Variants in DES observed in about 807,000 individuals in gnomAD.
The protein encoded by DES is desmin.
A neutral mutation model predicts 55.1 loss-of-function variants in DES; 34 were observed. The observed-to-expected ratio is 0.62, with a 90% CI of 0.47 to 0.82. The LOEUF (loss-of-function observed/expected upper bound fraction) is 0.82, where lower values mean the gene tolerates loss of function less well. Among genes scored for constraint, DES ranks in the 40% least tolerant of loss-of-function variants. The probability of loss-of-function intolerance (pLI) is 0.00; values close to 1 mark genes in which losing one functional copy is unlikely to be tolerated. For synonymous variants in DES, 259 were observed against 270.8 expected, an observed-to-expected ratio of 0.96 and a Z score of 0.43; for missense variants, 596 against 645.9, an observed-to-expected ratio of 0.92 and a Z score of 0.84.
rs201433470 is a variant in DES, at chr2:219,420,669, G to C, written c.897+13G>C. 2.5e-6 allele frequency: 4 copies of C among 1,614,000 alleles called. No homozygotes were observed. The highest frequency in any genetic ancestry group is 1.7e-5 in the Admixed American group (1 of 60,012). On this transcript the variant is annotated intron_variant, in intron 4 of 8. Transcript: ENST00000373960. This position sits in a 1 kb window ranked among gnomAD's most constrained non-coding sequence, Gnocchi z 6.0. ...GTACAAGTCGAAGGTGGGTGGCCTC[G>C]CCCGGGGACTGGCATCTCCGTCCCC...
At position 219,421,353 on chromosome 2, in the gene DES, T is replaced by A; in HGVS notation, c.1037T>A (p.Met346Lys). 1 of 1,614,066 alleles carries A rather than the reference T, an allele frequency of 6.2e-7. No homozygotes were observed. The highest frequency in any genetic ancestry group is 8.5e-7 in the Non-Finnish European group (1 of 1,179,980). The change falls in exon 6 of 9, where the codon ATG becomes AAG. Residue 346 changes from methionine to lysine, a missense_variant. By Grantham distance (95) the Met-to-Lys change is moderately conservative. Transcript: ENST00000373960. ...DALKGTNDSL[M>K]RQMRELEDRF... Reference sequence around the variant, plus strand: ...CCTCTCCTGCAGAACGATTCCCTGATGAGGCAGATGCGGGAATTGGAGGAC... The same window carrying A: ...CCTCTCCTGCAGAACGATTCCCTGAAGAGGCAGATGCGGGAATTGGAGGAC...
chr2:219,418,962 A>T lies in DES; in HGVS notation c.500A>T (p.Glu167Val), dbSNP rs1575013470. The T allele has an allele frequency of 6.4e-7, 1 of 1,555,416 alleles. No homozygotes were observed. The highest frequency in any genetic ancestry group is 1.4e-5 in the African/African-American group (1 of 73,454). The change falls in exon 1 of 9, where the codon GAG becomes GTG. Residue 167 changes from glutamate to valine, a missense_variant. Transcript: ENST00000373960. ...CTGCGGGAGCTGCGGCGCCAGGTGG[A>T]GGTGCTCACTAACCAGCGCGCGCGC... Reference protein sequence around the residue: ...EELRELRRQVEVLTNQRARVD... With the variant: ...EELRELRRQVVVLTNQRARVD...
At position 219,419,353 on chromosome 2, in the gene DES, T is replaced by C. The variant is rs1209878878; in HGVS notation, c.578+313T>C. Among the ~76,000 whole-genome samples the C allele has an allele frequency of 2.0e-5, 3 of 152,122 alleles. No homozygotes were observed. The highest frequency in any genetic ancestry group is 4.4e-5 in the Non-Finnish European group (3 of 68,014). On this transcript the variant is annotated intron_variant, in intron 1 of 8. Coordinates refer to ENST00000373960, the MANE Select transcript of DES (RefSeq NM_001927.4). The surrounding 1 kb of genome is among the most constrained non-coding windows in gnomAD (Gnocchi z 4.3). Reference sequence around the variant, plus strand: ...AGCATTTTAAGATGCTGGGGCGATATTTATGGGGTCAGGTAGTTGATGGGC... The same window carrying C: ...AGCATTTTAAGATGCTGGGGCGATACTTATGGGGTCAGGTAGTTGATGGGC...
Position 219,418,517 on chromosome 2 carries a change from G to A in DES, c.55G>A (p.Gly19Ser), listed in dbSNP as rs936853024. Residue 19 changes from glycine (G) to serine (S), a missense_variant, in exon 1 of 9, where the codon GGC (glycine) becomes AGC (serine). By Grantham distance (56) the Gly-to-Ser change is moderately conservative (BLOSUM62 0). Coordinates refer to ENST00000373960, the MANE Select transcript of DES (RefSeq NM_001927.4). Reference sequence around the variant, plus strand: ...CGTGTCCTCCTACCGCCGCACCTTCGGCGGGGCCCCGGGCTTCCCACTCGG... The same window carrying A: ...CGTGTCCTCCTACCGCCGCACCTTCAGCGGGGCCCCGGGCTTCCCACTCGG... ...QRVSSYRRTF[G>S]GAPGFPLGSP... is the part of the protein sequence containing the mutation. 1.2e-6 allele frequency: 2 copies of A among 1,603,092 alleles called. No homozygotes were observed. Among genetic ancestry groups the A allele is most frequent in the Non-Finnish European group, 1.7e-6 (2 of 1,176,518 alleles).
chr2:219,421,027 G>A (rs1954431459), intron 5 of DES, 74 bp downstream of exon 5: 2 of 1,565,840 alleles, frequency 1.3e-6, no homozygotes, highest in African/African-American at 2.7e-5. Context: ...GTGACCTTGG[G>A]CCCATCATAG....
Position 219,421,343 on chromosome 2 carries a change from G to A in DES, c.1027G>A (p.Asp343Asn), listed in dbSNP as rs763903197. ...CTGGGTTCCCCCTCTCCTGCAGAACGATTCCCTGATGAGGCAGATGCGGGA... is the reference window on the plus strand; with the variant it reads ...CTGGGTTCCCCCTCTCCTGCAGAACAATTCCCTGATGAGGCAGATGCGGGA... ...CEIDALKGTNDSLMRQMRELE... is the reference protein window; with the variant it reads ...CEIDALKGTNNSLMRQMRELE... The change falls in exon 6 of 9, where the codon GAT becomes AAT. Residue 343 changes from aspartate (D) to asparagine (N), a missense_variant. Coordinates refer to ENST00000373960, the MANE Select transcript of DES (RefSeq NM_001927.4). The A allele has an allele frequency of 4.3e-5, 69 of 1,613,872 alleles. No homozygotes were observed. Among genetic ancestry groups the A allele is most frequent in the Non-Finnish European group, 5.7e-5 (67 of 1,179,986 alleles).
intron 7 of DES, 152 bp from the exon 8 acceptor site, chr2:219,425,511 G>T (rs1254600062): frequency 1.4e-6 from 1 of 707,708 alleles, no homozygotes; most frequent in Non-Finnish European, 2.5e-6. Context: ...TGAAGGAAAG[G>T]TGTTAAAGTC....
chr2:219,418,760 G>A lies in DES; in HGVS notation c.298G>A (p.Glu100Lys), dbSNP rs1434605523. 5.8e-6 allele frequency: 9 copies of A among 1,562,532 alleles called. No homozygotes were observed. Among genetic ancestry groups the A allele is most frequent in the Non-Finnish European group, 7.8e-6 (9 of 1,152,882 alleles). Residue 100 changes from glutamate to lysine, a missense_variant, in exon 1 of 9, where the codon GAG becomes AAG. Glu to Lys is a moderately conservative substitution (Grantham distance 56). Coordinates refer to ENST00000373960, the MANE Select transcript of DES (RefSeq NM_001927.4). ...CTCACTGGCCGACGCGGTGAACCAGGAGTTTCTGACCACGCGCACCAACGA... is the reference window on the plus strand; with the variant it reads ...CTCACTGGCCGACGCGGTGAACCAGAAGTTTCTGACCACGCGCACCAACGA... ...DFSLADAVNQ[E>K]FLTTRTNEKV...
In DES at chr2:219,418,456, C is replaced by A. The variant is rs764966574; in HGVS notation, c.-7C>A. On this transcript the variant is annotated 5_prime_UTR_variant, in exon 1 of 9. Transcript: ENST00000373960. ...GTGCGCCCGCCAGCCTCGCCCGCGC[C>A]GTCACCATGAGCCAGGCCTACTCGT... is the stretch of plus-strand genomic sequence containing the variant. 1.3e-6 allele frequency: 2 copies of A among 1,582,040 alleles called. No homozygotes were observed. Among genetic ancestry groups the A allele is most frequent in the Non-Finnish European group, 1.7e-6 (2 of 1,172,802 alleles).
intron 5 of DES, 50 bp from the exon 6 acceptor site, chr2:219,421,290 C>T (rs776251306): frequency 6.2e-7 from 1 of 1,602,308 alleles, no homozygotes; most frequent in African/African-American, 1.3e-5. Flanking sequence ...TTTCTTTGGG[C>T]TGCTAGTGTC....
chr2:219,418,815 G>T lies in DES; in HGVS notation c.353G>T (p.Arg118Leu), dbSNP rs753997202. The change falls in exon 1 of 9, where the codon CGC becomes CTC. Residue 118 changes from arginine to leucine, a missense_variant. Arg to Leu is a moderately radical substitution (Grantham distance 102). Coordinates refer to ENST00000373960, the MANE Select transcript of DES (RefSeq NM_001927.4). ...EKVELQELND[R>L]FANYIEKVRF... Reference sequence around the variant, plus strand: ...GTGGAGCTGCAGGAGCTCAATGACCGCTTCGCCAACTACATCGAGAAGGTG... The same window carrying T: ...GTGGAGCTGCAGGAGCTCAATGACCTCTTCGCCAACTACATCGAGAAGGTG... 1 of 1,576,998 alleles carries T rather than the reference G, an allele frequency of 6.3e-7. No individual in the cohort carries two copies. Among genetic ancestry groups the T allele is most frequent in the South Asian group, 1.2e-5 (1 of 86,236 alleles).
At chr2:219,422,735 G>T (rs1197281488) in intron 6 of DES, among the ~76,000 whole-genome samples, 1 of 152,032 alleles carries the variant, frequency 6.6e-6, no homozygotes, top group Non-Finnish European at 1.5e-5. Flanking sequence ...CAAAGTGCTG[G>T]GATTATAGGC....
chr2:219,421,058 T>C (rs1331840739), intron 5 of DES, 105 bp downstream of exon 5: 4 of 1,466,852 alleles, frequency 2.7e-6, no homozygotes, highest in Non-Finnish European at 3.7e-6. Flanking sequence ...GGCCTTCATC[T>C]ACTTAAATCT....
chr2:219,420,199 C>T lies in DES; in HGVS notation c.639+44C>T. 2 of 1,613,888 alleles carry T rather than the reference C, an allele frequency of 1.2e-6. No individual in the cohort carries two copies. The highest frequency in any genetic ancestry group is 1.7e-6 in the Non-Finnish European group (2 of 1,179,742). On this transcript the variant is annotated intron_variant, in intron 2 of 8. Transcript: ENST00000373960. This position sits in a 1 kb window ranked among gnomAD's most constrained non-coding sequence, Gnocchi z 6.0. ...CCCTTGCATGGCCTCTGGCCTTGCTCTGCCCCACCTGGGTGGCGGTGACCA... is the reference window on the plus strand; with the variant it reads ...CCCTTGCATGGCCTCTGGCCTTGCTTTGCCCCACCTGGGTGGCGGTGACCA...
Position 219,418,656 on chromosome 2 carries a change from G to A in DES, c.194G>A (p.Gly65Asp). The stretch of plus-strand genomic sequence containing the variant: ...TCGCGCACGTCGGGCGGGGCCGGGG[G>A]CCTGGGGTCGCTGCGGGCCAGCCGG... ...QVSRTSGGAGGLGSLRASRLG... is the reference protein window; with the variant it reads ...QVSRTSGGAGDLGSLRASRLG... The change falls in exon 1 of 9, where the codon GGC (glycine) becomes GAC (aspartate). Residue 65 changes from glycine (G) to aspartate (D), a missense_variant. Coordinates refer to ENST00000373960, the MANE Select transcript of DES (RefSeq NM_001927.4). 2.5e-6 allele frequency: 4 copies of A among 1,590,920 alleles called. No individual in the cohort carries two copies. The highest frequency in any genetic ancestry group is 3.4e-6 in the Non-Finnish European group (4 of 1,169,214).
In DES at chr2:219,420,460, C is replaced by G; in HGVS notation, c.736-35C>G. On this transcript the variant is annotated intron_variant, in intron 3 of 8. Coordinates refer to ENST00000373960, the MANE Select transcript of DES (RefSeq NM_001927.4). The surrounding 1 kb of genome is among the most constrained non-coding windows in gnomAD (Gnocchi z 6.0). ...GGGGTGTGAGGGTGCTGTGTGGGCC[C>G]TGAGAGGGGACTGAAGCCCAGTCAT... 1 of 1,613,758 alleles carries G rather than the reference C, an allele frequency of 6.2e-7. No individual in the cohort carries two copies. Among genetic ancestry groups the G allele is most frequent in the South Asian group, 1.1e-5 (1 of 91,044 alleles).
Position 219,419,872 on chromosome 2 carries a change from G to T in DES, c.579-223G>T, listed in dbSNP as rs1954400404. Among the ~76,000 whole-genome samples the T allele has an allele frequency of 3.3e-5, 5 of 152,168 alleles. No individual in the cohort carries two copies. The South Asian group carries it at 1.0e-3, about 31-fold the overall frequency. On this transcript the variant is annotated intron_variant, in intron 1 of 8. Transcript: ENST00000373960. This position sits in a 1 kb window ranked among gnomAD's most constrained non-coding sequence, Gnocchi z 4.3. ...CAGGGAGGTCACACAGTCTGGTGGGGACATAGACTTCAAGGGTGTGGCTCC... is the reference window on the plus strand; with the variant it reads ...CAGGGAGGTCACACAGTCTGGTGGGTACATAGACTTCAAGGGTGTGGCTCC...
chr2:219,423,941 T>C (rs1954491480), intron 7 of DES, 121 bp downstream of exon 7: 1 of 1,167,726 alleles, frequency 8.6e-7, no homozygotes, highest in Non-Finnish European at 1.3e-6. Flanking sequence ...ACCTGGAGTC[T>C]GGGGAAGAAA....
chr2:219,426,116 T>G lies in DES; in HGVS notation c.*126T>G, dbSNP rs1015302727. 4.5e-5 allele frequency: 49 copies of G among 1,099,768 alleles called. No individual in the cohort carries two copies. In the Admixed American group the frequency reaches 9.4e-4, roughly 21 times the overall value. The allele number at this position is 1,099,768 out of a possible 1,614,324, so 68.1% of individuals were successfully genotyped here. On this transcript the variant is annotated 3_prime_UTR_variant, in exon 9 of 9. Transcript: ENST00000373960. This position sits in a 1 kb window ranked among gnomAD's most constrained non-coding sequence, Gnocchi z 4.5. Reference sequence around the variant, plus strand: ...TCCTCCCCTCACAGCCTCTGACCCCTCCTCACTGGCCATCCCTCGTGGTCC... The same window carrying G: ...TCCTCCCCTCACAGCCTCTGACCCCGCCTCACTGGCCATCCCTCGTGGTCC...
Sources: gnomAD v4.1 joint callset for allele counts (sites outside exome capture counted in the v4.1 genomes callset) on GRCh38, gnomAD v4.1.1 for gene constraint, Gnocchi (gnomAD v3.1) non-coding constraint, MANE v1.5 for transcripts, NCBI Gene and HGNC (gene_info 2026-07-23, HGNC 2026-07-21) for gene names.